The following PTAFR variants were observed in gnomAD, a reference collection of about 807,000 sequenced individuals.
PTAFR encodes the protein platelet-activating factor receptor.
In PTAFR, 8 loss-of-function variants were observed where a neutral mutation model predicts 14.7. The observed-to-expected ratio is 0.54, with a 90% CI of 0.32 to 0.98. PTAFR has a LOEUF of 0.98. Among genes scored for constraint, PTAFR ranks in the 50% least tolerant of loss-of-function variants. The pLI is 0.04. For synonymous variants in PTAFR, 156 were observed against 176.5 expected (o/e 0.88, Z 0.92); for missense variants, 337 against 451.2 (o/e 0.75, Z 2.29).
chr1:28,154,210 C>T (rs551914003), intron 1 of PTAFR, among the ~76,000 whole-genome samples: 26 of 151,626 alleles, frequency 1.7e-4, no homozygotes, highest in South Asian at 4.2e-4. Flanking sequence ...CTCACACAAA[C>T]ACTTTGCCAT....
chr1:28,148,972 C>T lies in PTAFR; in HGVS notation c.*1021G>A, dbSNP rs1646146240. The T allele has an allele frequency of 2.0e-5, 3 of 152,366 alleles. No individual in the cohort carries two copies. Among genetic ancestry groups the T allele is most frequent in the South Asian group, 4.1e-4 (2 of 4,834 alleles). 9.4% of individuals were successfully genotyped at this position (152,366 alleles called of 1,614,324 possible). A position where few individuals can be genotyped will look rare whatever the true frequency, so the allele number is the denominator to read the frequency against. On this transcript the variant is annotated 3_prime_UTR_variant, in exon 2 of 2. Transcript: ENST00000373857. Reference sequence around the variant, plus strand: ...ACTTAATTAGGGACTATTGTTGAGACAGAAAGAGGAGGTGGGCATCTCCTT... The same window carrying T: ...ACTTAATTAGGGACTATTGTTGAGATAGAAAGAGGAGGTGGGCATCTCCTT...
rs146425126 is a variant in PTAFR at position 28,161,703 on chromosome 1, A to G, written c.-38-10644T>C. Reference sequence around the variant, plus strand: ...GGCTTCTTGGAGGAGGTGACATACAAACAAAACCACAGACAGCTTTACCAT... The same window carrying G: ...GGCTTCTTGGAGGAGGTGACATACAGACAAAACCACAGACAGCTTTACCAT... On this transcript the variant is annotated intron_variant, in intron 1 of 1. Transcript: ENST00000373857. Among the ~76,000 whole-genome samples, 268 of 152,266 alleles carry G rather than the reference A, an allele frequency of 1.8e-3. 1 individual carries two copies. The highest frequency in any genetic ancestry group is 5.8e-3 in the African/African-American group (241 of 41,552).
chr1:28,157,375 T>C (rs1446900005), intron 1 of PTAFR, among the ~76,000 whole-genome samples: 5 of 152,104 alleles, frequency 3.3e-5, no homozygotes, highest in African/African-American at 1.2e-4. Context: ...TTTAGTTAGC[T>C]AGGCTGGTCT....
chr1:28,165,403 C>CAAA (rs36099131), intron 1 of PTAFR, among the ~76,000 whole-genome samples: 8 of 45,860 alleles, frequency 1.7e-4, no homozygotes, highest in African/African-American at 4.2e-4. Context: ...GACTCTGTCT[C>CAAA]AAAAAAAAAA....
At chr1:28,161,473 A>T (rs918813683) in intron 1 of PTAFR, among the ~76,000 whole-genome samples, 1 of 152,224 alleles carries the variant, frequency 6.6e-6, no homozygotes, top group African/African-American at 2.4e-5. Context: ...GGAAATAAAA[A>T]TAGTAACATG....
chr1:28,177,130 A>T (rs1646523825), upstream of PTAFR: 1 of 152,662 alleles, frequency 6.6e-6, no homozygotes, highest in African/African-American at 2.4e-5. Flanking sequence ...AGGGACAAAG[A>T]CAAGGTAAGA....
upstream of PTAFR, among the ~76,000 whole-genome samples, chr1:28,180,121 C>A (rs1437099276): frequency 6.6e-6 from 1 of 151,990 alleles, no homozygotes; most frequent in Non-Finnish European, 1.5e-5. Flanking sequence ...CCAACCTGGG[C>A]AAAACAGGGA....
chr1:28,154,859 T>C (rs996779876), intron 1 of PTAFR, among the ~76,000 whole-genome samples: 4 of 141,688 alleles, frequency 2.8e-5, no homozygotes. Flanking sequence ...GCAGCACGGA[T>C]ATTGAGAACA....
At chr1:28,175,447 C>T (rs986409446) in intron 1 of PTAFR, among the ~76,000 whole-genome samples, 6 of 151,992 alleles carry the variant, frequency 3.9e-5, no homozygotes, top group African/African-American at 1.2e-4. Flanking sequence ...CCACCCCTAC[C>T]GCCTCCCCCA....
chr1:28,173,105 CAAAAAAA>C (rs68034962), intron 1 of PTAFR, among the ~76,000 whole-genome samples: 5 of 50,122 alleles, frequency 1.0e-4, no homozygotes, highest in Admixed American at 2.6e-4. Flanking sequence ...CCCGTTTCCA[CAAAAAAA>C]AAAAAAAAAA....
chr1:28,175,962 G>T (rs1000444996), intron 1 of PTAFR, among the ~76,000 whole-genome samples: 2 of 151,796 alleles, frequency 1.3e-5, no homozygotes, highest in African/African-American at 4.8e-5. Context: ...TCCCAGTAGG[G>T]TCTCTGGGGT....
intron 1 of PTAFR, among the ~76,000 whole-genome samples, chr1:28,188,821 T>C (rs539001309): frequency 1.4e-4 from 21 of 152,094 alleles, no homozygotes; most frequent in African/African-American, 3.9e-4. Flanking sequence ...CATTGCATAA[T>C]ATAAATTTTA....
intron 1 of PTAFR, among the ~76,000 whole-genome samples, chr1:28,168,890 A>G (rs1646421790): frequency 6.6e-6 from 1 of 151,536 alleles, no homozygotes; most frequent in African/African-American, 2.4e-5. Flanking sequence ...ATAGTCTCGA[A>G]CTCCTGACCT....
In PTAFR at chr1:28,174,281, G is replaced by A. The variant is rs921820190; in HGVS notation, c.-39+2311C>T. 2.0e-5 allele frequency among the ~76,000 whole-genome samples: 3 copies of A among 152,202 alleles called. No individual in the cohort carries two copies. In the South Asian group the frequency reaches 6.2e-4, roughly 32 times the overall value. On this transcript the variant is annotated intron_variant, in intron 1 of 1. Coordinates refer to ENST00000373857, the MANE Select transcript of PTAFR (RefSeq NM_000952.5). Reference sequence around the variant, plus strand: ...CTGCTCCACTGTTGCCCTCTCTGAGGTCCAAGCCTCCACCCATCTAGGGGA... The same window carrying A: ...CTGCTCCACTGTTGCCCTCTCTGAGATCCAAGCCTCCACCCATCTAGGGGA...
intron 1 of PTAFR, among the ~76,000 whole-genome samples, chr1:28,161,228 TC>T (rs1646319272): frequency 6.6e-6 from 1 of 152,138 alleles, no homozygotes; most frequent in African/African-American, 2.4e-5. Flanking sequence ...TAGCTCTTTA[TC>T]CCACTGAAAT....
chr1:28,184,328 C>T (rs556798834), intron 1 of PTAFR, among the ~76,000 whole-genome samples: 68 of 151,568 alleles, frequency 4.5e-4, no homozygotes, highest in African/African-American at 1.5e-3. Context: ...CCTGACCTCA[C>T]GTGATCCGCC....
At chr1:28,182,543 T>C (rs1646570767) in intron 1 of PTAFR, among the ~76,000 whole-genome samples, 1 of 150,972 alleles carries the variant, frequency 6.6e-6, no homozygotes, top group Non-Finnish European at 1.5e-5. Flanking sequence ...CAGTGAGCCA[T>C]GATCATGCCA....
intron 1 of PTAFR, among the ~76,000 whole-genome samples, chr1:28,169,295 TAAAAAA>T (rs201943732): frequency 2.3e-5 from 3 of 129,210 alleles, no homozygotes; most frequent in Non-Finnish European, 5.1e-5. Context: ...TTCACCACAG[TAAAAAA>T]AAAAAAAAAA....
chr1:28,189,572 C>T (rs1238833453), intron 1 of PTAFR, among the ~76,000 whole-genome samples: 1 of 150,014 alleles, frequency 6.7e-6, no homozygotes, highest in African/African-American at 2.4e-5. Flanking sequence ...GAGATGGTGC[C>T]CCTGCACTCC....
Sources: allele counts gnomAD v4.1 joint callset (sites outside exome capture counted in the v4.1 genomes callset), GRCh38; gene constraint gnomAD v4.1.1; transcripts MANE v1.5; gene names NCBI Gene and HGNC (gene_info 2026-07-23, HGNC 2026-07-21).